CNTNAP2: variants seen among roughly 807,000 people sequenced by gnomAD.
The protein encoded by CNTNAP2 is contactin associated protein 2.
Under a neutral mutation model 155.2 loss-of-function variants are expected in CNTNAP2, and 98 were observed. That is an observed-to-expected ratio of 0.63 (90% CI 0.54 to 0.75). CNTNAP2 has a LOEUF of 0.75. CNTNAP2 is among the 30% of genes least tolerant of loss of function. CNTNAP2 has a pLI of 0.00. For synonymous variants in CNTNAP2, 651 were observed against 631.2 expected (o/e 1.03, Z -0.47); for missense variants, 1,727 against 1,688.1 (o/e 1.02, Z -0.40).
intron 15 of CNTNAP2, among the ~76,000 whole-genome samples, chr7:148,049,738 A>G (rs1349120851): frequency 2.0e-5 from 3 of 152,252 alleles, no homozygotes; most frequent in African/African-American, 7.2e-5. Context: ...ATAGAAGTGT[A>G]GCTTATACAA....
At chr7:148,004,049 T>A (rs1338782916) in intron 15 of CNTNAP2, among the ~76,000 whole-genome samples, 1 of 152,202 alleles carries the variant, frequency 6.6e-6, no homozygotes, top group East Asian at 1.9e-4. Flanking sequence ...CATCAAATAT[T>A]TAAATCATTG....
At chr7:146,162,162 A>T (rs201474725) in intron 1 of CNTNAP2, among the ~76,000 whole-genome samples, 1 of 152,154 alleles carries the variant, frequency 6.6e-6, no homozygotes, top group Non-Finnish European at 1.5e-5. Context: ...ATTGACAAAT[A>T]GGATCTAATT....
At chr7:146,202,573 A>G (rs1798882616) in intron 1 of CNTNAP2, among the ~76,000 whole-genome samples, 1 of 152,170 alleles carries the variant, frequency 6.6e-6, no homozygotes. Flanking sequence ...TTATTGTTGT[A>G]TGTTTAAGAC....
intron 11 of CNTNAP2, among the ~76,000 whole-genome samples, chr7:147,500,854 A>G (rs2189997): frequency 0.98 from 149,451 of 152,256 alleles, 73,365 homozygotes; most frequent in East Asian, 1. Context: ...TTGTTCTATC[A>G]AAAAATATCT....
At chr7:147,892,899 A>G (rs1799716777) in intron 13 of CNTNAP2, among the ~76,000 whole-genome samples, 1 of 152,216 alleles carries the variant, frequency 6.6e-6, no homozygotes, top group Admixed American at 6.5e-5. Flanking sequence ...AACTGCATTT[A>G]TTTCTATTCA....
chr7:148,200,104 C>A (rs1359724483), intron 18 of CNTNAP2, among the ~76,000 whole-genome samples: 3 of 152,156 alleles, frequency 2.0e-5, no homozygotes, highest in Non-Finnish European at 4.4e-5. Flanking sequence ...TCTATTCAGT[C>A]GACTGACTGA....
intron 1 of CNTNAP2, among the ~76,000 whole-genome samples, chr7:146,342,572 A>T (rs1423151771): frequency 6.6e-6 from 1 of 152,218 alleles, no homozygotes. Flanking sequence ...AAGGGTAAAA[A>T]ACTTGCAACA....
At chr7:147,457,750 C>A (rs767274934) in intron 10 of CNTNAP2, among the ~76,000 whole-genome samples, 1 of 151,988 alleles carries the variant, frequency 6.6e-6, no homozygotes, top group African/African-American at 2.4e-5. Flanking sequence ...GTAATCAAGA[C>A]AATTTCAAGA....
chr7:147,898,420 T>C (rs1440326934), intron 13 of CNTNAP2, among the ~76,000 whole-genome samples: 1 of 152,248 alleles, frequency 6.6e-6, no homozygotes, highest in Non-Finnish European at 1.5e-5. Context: ...CTTTATGATT[T>C]TCCTCACCTT....
intron 3 of CNTNAP2, among the ~76,000 whole-genome samples, chr7:146,930,786 C>G (rs957775458): frequency 6.6e-6 from 1 of 152,148 alleles, no homozygotes; most frequent in African/African-American, 2.4e-5. Context: ...GTTTGCAATC[C>G]TAGTCTCTGA....
intron 1 of CNTNAP2, among the ~76,000 whole-genome samples, chr7:146,553,308 T>A (rs1213847809): frequency 6.6e-6 from 1 of 152,068 alleles, no homozygotes; most frequent in Non-Finnish European, 1.5e-5. Flanking sequence ...ATTCTTTTAT[T>A]TCTTATATAA....
intron 2 of CNTNAP2, among the ~76,000 whole-genome samples, chr7:146,801,721 GTGT>G (rs1171052163): frequency 3.3e-5 from 5 of 152,110 alleles, no homozygotes; most frequent in Non-Finnish European, 5.9e-5. Flanking sequence ...TGGTTAAAGT[GTGT>G]TGTTAGGAGA....
At chr7:146,399,118 T>G (rs532669241) in intron 1 of CNTNAP2, among the ~76,000 whole-genome samples, 1 of 152,334 alleles carries the variant, frequency 6.6e-6, no homozygotes, top group South Asian at 2.1e-4. Context: ...TGTTTTAATA[T>G]GTTTACATTG....
intron 15 of CNTNAP2, among the ~76,000 whole-genome samples, chr7:148,001,374 A>G (rs1453046191): frequency 1.3e-5 from 2 of 152,234 alleles, no homozygotes; most frequent in African/African-American, 4.8e-5. Context: ...ATTTGGTGGC[A>G]GTGACTCACC....
At chr7:147,978,819 A>G (rs974784824) in intron 15 of CNTNAP2, among the ~76,000 whole-genome samples, 40 of 152,072 alleles carry the variant, frequency 2.6e-4, no homozygotes, top group African/African-American at 8.7e-4. Context: ...CCGGAGACCT[A>G]GATTCTGCTC....
At chr7:148,209,633 G>A (rs1230222745) in intron 18 of CNTNAP2, among the ~76,000 whole-genome samples, 2 of 152,040 alleles carry the variant, frequency 1.3e-5, no homozygotes, top group African/African-American at 4.8e-5. Context: ...TATTTATTCT[G>A]TCCCATTGCA....
chr7:147,386,477 T>C (rs185926148), intron 9 of CNTNAP2, among the ~76,000 whole-genome samples: 2 of 152,264 alleles, frequency 1.3e-5, no homozygotes, highest in East Asian at 3.9e-4. Flanking sequence ...TTCTGCCAGA[T>C]ACCCTAAATC....
chr7:147,253,787 G>A (rs1461263194), intron 8 of CNTNAP2, among the ~76,000 whole-genome samples: 1 of 152,162 alleles, frequency 6.6e-6, no homozygotes, highest in African/African-American at 2.4e-5. Context: ...CAGGCTGGAC[G>A]AGTGGTCTCT....
intron 15 of CNTNAP2, among the ~76,000 whole-genome samples, chr7:148,074,661 C>T (rs918377994): frequency 1.3e-5 from 2 of 149,986 alleles, no homozygotes; most frequent in African/African-American, 2.5e-5. Context: ...GCACTCCAGC[C>T]GGGGCAAAAG....
Sources: allele counts gnomAD v4.1 joint callset (sites outside exome capture counted in the v4.1 genomes callset), GRCh38; gene constraint gnomAD v4.1.1; transcripts MANE v1.5; gene names NCBI Gene and HGNC (gene_info 2026-07-23, HGNC 2026-07-21).